The following FBXO34 variants were observed in gnomAD, a reference collection of about 807,000 sequenced individuals.
The protein encoded by FBXO34 is F-box protein 34, also known as F-box only protein 34.
FBXO34 carries 12 observed loss-of-function variants against 24.5 expected under a neutral mutation model. The ratio of observed to expected loss-of-function variants is 0.49; its 90% CI spans 0.31 to 0.79. The LOEUF is 0.79. Among genes scored for constraint, FBXO34 ranks in the 30% least tolerant of loss-of-function variants. FBXO34 has a pLI of 0.04. For synonymous variants in FBXO34, 320 were observed against 311.9 expected, an observed-to-expected ratio of 1.03 and a Z score of -0.27; for missense variants, 823 against 857.7, an observed-to-expected ratio of 0.96 and a Z score of 0.51.
At chr14:55,289,361 C>G (rs1881866761) in intron 1 of FBXO34, among the ~76,000 whole-genome samples, 1 of 152,044 alleles carries the variant, frequency 6.6e-6, no homozygotes, top group African/African-American at 2.4e-5. Context: ...AGAACATTTA[C>G]TTTTTGAATA....
chr14:55,386,505 G>C, the FBXO34 span, among the ~76,000 whole-genome samples: 1 of 152,188 alleles, frequency 6.6e-6, no homozygotes, highest in Non-Finnish European at 1.5e-5. Context: ...TGTGCCTTGG[G>C]CTATAATCAG....
intron 1 of FBXO34, among the ~76,000 whole-genome samples, chr14:55,294,879 A>C (rs539225962): frequency 6.6e-6 from 1 of 152,210 alleles, no homozygotes; most frequent in Non-Finnish European, 1.5e-5. Context: ...TTACGTCCCG[A>C]TAAATCAGTT....
At chr14:55,400,016 C>T in the FBXO34 span, among the ~76,000 whole-genome samples, 2 of 152,198 alleles carry the variant, frequency 1.3e-5, no homozygotes, top group Non-Finnish European at 2.9e-5. Context: ...ATGGCAAAAA[C>T]AGCAATTACT....
the FBXO34 span, among the ~76,000 whole-genome samples, chr14:55,418,372 G>A: frequency 1.3e-5 from 2 of 152,168 alleles, no homozygotes; most frequent in Non-Finnish European, 2.9e-5. Context: ...CCAATACTAC[G>A]TGGATTTTCC....
chr14:55,376,351 G>A, the FBXO34 span, among the ~76,000 whole-genome samples: 1 of 152,192 alleles, frequency 6.6e-6, no homozygotes, highest in African/African-American at 2.4e-5. Flanking sequence ...AGAGAGGATG[G>A]TGAGTAAACT....
At chr14:55,324,693 G>A (rs1294053902) in intron 1 of FBXO34, among the ~76,000 whole-genome samples, 3 of 152,056 alleles carry the variant, frequency 2.0e-5, no homozygotes, top group Non-Finnish European at 4.4e-5. Context: ...TTGCCATTGT[G>A]TGTATGCTAT....
chr14:55,350,160 T>TA (rs60811559), intron 1 of FBXO34, among the ~76,000 whole-genome samples: 2,098 of 139,038 alleles, frequency 0.015, 39 homozygotes, highest in African/African-American at 0.046. Context: ...TTATTTTCTG[T>TA]AAAAAAAAAA....
intron 1 of FBXO34, among the ~76,000 whole-genome samples, chr14:55,338,840 A>G (rs947333542): frequency 5.9e-5 from 9 of 151,970 alleles, no homozygotes; most frequent in South Asian, 4.2e-4. Flanking sequence ...TGGGAGGCGG[A>G]GCTTGCAGTG....
At chr14:55,370,747 T>G (rs1220956210), downstream of FBXO34, among the ~76,000 whole-genome samples, 2 of 152,132 alleles carry the variant, frequency 1.3e-5, no homozygotes, top group East Asian at 3.9e-4. Context: ...TGCAAGCGAT[T>G]CTCCTGCCTC....
intron 1 of FBXO34, among the ~76,000 whole-genome samples, chr14:55,339,264 C>T (rs1883902583): frequency 6.6e-6 from 1 of 151,994 alleles, no homozygotes; most frequent in Non-Finnish European, 1.5e-5. Context: ...AAATGTCTCC[C>T]TGTGATAAAA....
chr14:55,316,611 C>T (rs985745510), intron 1 of FBXO34, among the ~76,000 whole-genome samples: 2 of 151,132 alleles, frequency 1.3e-5, no homozygotes, highest in African/African-American at 2.4e-5. Flanking sequence ...GTCTATAGTC[C>T]CACCTACTCA....
In FBXO34 at chr14:55,350,430, C is replaced by A; in HGVS notation, c.40C>A (p.His14Asn). 3 of 1,599,062 alleles carry A rather than the reference C, an allele frequency of 1.9e-6. No homozygotes were observed. The highest frequency in any genetic ancestry group is 1.7e-6 in the Non-Finnish European group (2 of 1,174,894). ...KPYWKLQKKE[H>N]PPEVSRETQR... ...ATATTGGAAGCTCCAGAAGAAAGAG[C>A]ACCCCCCGGAAGTCAGCAGGGAAAC... The change falls in exon 2 of 2, where the codon CAC becomes AAC. Residue 14 changes from histidine (H) to asparagine (N), a missense_variant. This residue lies in a region of FBXO34 where 693 missense variants were observed against 659.1 expected (regional missense o/e 1.05). Transcript: ENST00000313833.
chr14:55,306,659 C>G (rs919255352), intron 1 of FBXO34, among the ~76,000 whole-genome samples: 2 of 152,062 alleles, frequency 1.3e-5, no homozygotes, highest in African/African-American at 2.4e-5. Context: ...ATGGCGAAAC[C>G]CTGTCTCTAC....
At chr14:55,323,230 T>A (rs866353895) in intron 1 of FBXO34, among the ~76,000 whole-genome samples, 2,030 of 42,862 alleles carry the variant, frequency 0.047, 153 homozygotes, top group African/African-American at 0.057. Flanking sequence ...TATATATTTT[T>A]TTTTTTTTTT....
At chr14:55,366,926 C>T (rs1884692611) in intron 2 of FBXO34, 1 of 152,638 alleles carries the variant, frequency 6.6e-6, no homozygotes, top group East Asian at 1.9e-4. Context: ...AGGGTGGATC[C>T]AGTGCAAAAT....
In FBXO34 at chr14:55,352,720, G is replaced by T; in HGVS notation, c.*194G>T. Reference sequence around the variant, plus strand: ...AAAAATTGGTCTTGTTGTTTATAGTGGCATCTCATGTTTGAACCCGGGTGG... The same window carrying T: ...AAAAATTGGTCTTGTTGTTTATAGTTGCATCTCATGTTTGAACCCGGGTGG... On this transcript the variant is annotated 3_prime_UTR_variant, in exon 2 of 2. Transcript: ENST00000313833. The T allele has an allele frequency of 1.8e-6, 1 of 548,236 alleles. No homozygotes were observed. The highest frequency in any genetic ancestry group is 3.2e-6 in the Non-Finnish European group (1 of 312,478). 34.0% of individuals were successfully genotyped at this position (548,236 alleles called of 1,614,324 possible).
chr14:55,380,611 A>G, the FBXO34 span: 6 of 1,613,292 alleles, frequency 3.7e-6, no homozygotes, highest in South Asian at 6.6e-5. Context: ...CATCAAGTAT[A>G]TGAGACAGAA....
At chr14:55,408,320 T>C in the FBXO34 span, among the ~76,000 whole-genome samples, 8 of 152,194 alleles carry the variant, frequency 5.3e-5, no homozygotes, top group East Asian at 1.5e-3. Context: ...TTAGGCGTGT[T>C]GATGTGCGCC....
chr14:55,283,986 G>GTGTATGTGTA (rs1301447856), intron 1 of FBXO34, among the ~76,000 whole-genome samples: 1 of 150,286 alleles, frequency 6.7e-6, no homozygotes, highest in African/African-American at 2.4e-5. Flanking sequence ...CTGTGTGTGT[G>GTGTATGTGTA]TGTATGTGTA....
Sources: gnomAD v4.1 joint callset for allele counts (sites outside exome capture counted in the v4.1 genomes callset) on GRCh38, gnomAD v4.1.1 for gene constraint, gnomAD v4.1.1 regional missense constraint, MANE v1.5 for transcripts, NCBI Gene and HGNC (gene_info 2026-07-23, HGNC 2026-07-21) for gene names.